Variants in PCNX1 observed in about 807,000 individuals in gnomAD.
PCNX1 encodes pecanex 1, also known as pecanex-like protein 1.
A neutral mutation model predicts 242.2 loss-of-function variants in PCNX1; 78 were observed. That is an observed-to-expected ratio of 0.32 (90% confidence interval 0.27 to 0.39). The LOEUF (loss-of-function observed/expected upper bound fraction) is 0.39. PCNX1 is among the 10% of genes least tolerant of loss of function. The probability of loss-of-function intolerance (pLI) is 1.00; values close to 1 mark genes in which losing one functional copy is unlikely to be tolerated. For missense variants in PCNX1, 2,581 were observed against 2,856.5 expected (o/e 0.90, Z 2.20); for synonymous variants, 1,024 against 1,032.9 (o/e 0.99, Z 0.17).
chr14:70,952,216 A>G (rs1467728810), intron 2 of PCNX1, among the ~76,000 whole-genome samples: 1 of 152,180 alleles, frequency 6.6e-6, no homozygotes, highest in Non-Finnish European at 1.5e-5. Flanking sequence ...TCTGGATATT[A>G]TATATATTTG....
Position 71,050,761 on chromosome 14 carries a change from G to A in PCNX1, c.4447+1G>A, listed in dbSNP as rs1246660126. 3 of 1,611,856 alleles carry A rather than the reference G, an allele frequency of 1.9e-6. No homozygotes were observed. The highest frequency in any genetic ancestry group is 2.2e-5 in the East Asian group (1 of 44,822). The stretch of plus-strand genomic sequence containing the variant: ...TTTGCTCAGCCTTTTGCAGTGCCTC[G>A]TATCCTTCTAATTAAAGTTTTATAA... On this transcript the variant is annotated splice_donor_variant, in intron 23 of 35. Transcript: ENST00000304743. LOFTEE classifies it high-confidence loss of function.
At position 71,057,684 on chromosome 14, in the gene PCNX1, T is replaced by TA; in HGVS notation, c.4812_4813insA (p.Gly1605ArgfsTer11). The TA allele has an allele frequency of 6.2e-7, 1 of 1,613,964 alleles. No individual in the cohort carries two copies. Among genetic ancestry groups the TA allele is most frequent in the Non-Finnish European group, 8.5e-7 (1 of 1,179,848 alleles). On this transcript the variant is annotated frameshift_variant, in exon 26 of 36. Transcript: ENST00000304743. LOFTEE classifies it high-confidence loss of function. The stretch of plus-strand genomic sequence containing the variant: ...TAGTACACCTTATAGAGATAGGCAA[T>TA]GGTCTGGTCACTTTTCAGCTGCGGG...
intron 2 of PCNX1, 107 bp downstream of exon 2, chr14:70,947,230 A>G: frequency 1.2e-6 from 1 of 831,300 alleles, no homozygotes; most frequent in East Asian, 2.7e-5. Flanking sequence ...GTTTTAAGGC[A>G]GTGTTAGATC....
chr14:70,975,112 T>G (rs917094899), intron 5 of PCNX1, among the ~76,000 whole-genome samples: 11 of 152,210 alleles, frequency 7.2e-5, no homozygotes, highest in African/African-American at 2.7e-4. Context: ...ATCTTAGATT[T>G]AGTGATTTTC....
intron 11 of PCNX1, among the ~76,000 whole-genome samples, chr14:71,013,564 T>C (rs1356083372): frequency 6.6e-6 from 1 of 151,968 alleles, no homozygotes; most frequent in East Asian, 1.9e-4. Context: ...TTTCCCTGGT[T>C]CTTAACACTA....
chr14:71,066,548 C>A (rs922285310), intron 26 of PCNX1, among the ~76,000 whole-genome samples: 80 of 152,218 alleles, frequency 5.3e-4, no homozygotes, highest in African/African-American at 1.9e-3. Flanking sequence ...ATCATGTCAT[C>A]TGCAAACAGA....
chr14:70,911,418 ACAT>A (rs1384332629), intron 1 of PCNX1, among the ~76,000 whole-genome samples: 1 of 152,256 alleles, frequency 6.6e-6, no homozygotes, highest in African/African-American at 2.4e-5. Flanking sequence ...GACTCTATAT[ACAT>A]CAACTAGTTA....
intron 29 of PCNX1, among the ~76,000 whole-genome samples, chr14:71,088,913 CAT>C (rs1235560408): frequency 6.6e-6 from 1 of 152,084 alleles, no homozygotes; most frequent in African/African-American, 2.4e-5. Flanking sequence ...GTGATAACTA[CAT>C]GTTTTCCGTT....
At chr14:70,956,992 A>ATAT (rs5809504) in intron 2 of PCNX1, among the ~76,000 whole-genome samples, 90,823 of 149,680 alleles carry the variant, frequency 0.61, 27,818 homozygotes, top group South Asian at 0.7. Flanking sequence ...TGTTTTTATT[A>ATAT]TATTATTATT....
intron 8 of PCNX1, among the ~76,000 whole-genome samples, chr14:71,003,563 TAAG>T (rs2059572285): frequency 6.6e-6 from 1 of 152,344 alleles, no homozygotes; most frequent in African/African-American, 2.4e-5. Context: ...TTTACCCAAG[TAAG>T]AAGAACTTGT....
chr14:71,050,166 T>C (rs200333158), intron 22 of PCNX1, among the ~76,000 whole-genome samples: 2 of 107,358 alleles, frequency 1.9e-5, no homozygotes, highest in African/African-American at 8.1e-5. Context: ...ATTTTTTTTC[T>C]TTTTTTTTAT....
intron 28 of PCNX1, among the ~76,000 whole-genome samples, chr14:71,077,752 A>G (rs2061754416): frequency 6.6e-6 from 1 of 152,186 alleles, no homozygotes; most frequent in Non-Finnish European, 1.5e-5. Flanking sequence ...CATATAATAA[A>G]TAGTTTTATT....
At chr14:70,909,667 G>T (rs959414342) in intron 1 of PCNX1, among the ~76,000 whole-genome samples, 2 of 152,186 alleles carry the variant, frequency 1.3e-5, no homozygotes, top group Non-Finnish European at 2.9e-5. Context: ...GTTACTGAAA[G>T]AATATTAGAG....
intron 9 of PCNX1, among the ~76,000 whole-genome samples, chr14:71,010,075 A>T (rs1024476599): frequency 6.6e-5 from 10 of 152,000 alleles, no homozygotes; most frequent in African/African-American, 2.2e-4. Flanking sequence ...CTTTATATTT[A>T]CTCTAATAAT....
chr14:70,968,315 C>T (rs892195329), intron 4 of PCNX1, 72 bp downstream of exon 4: 14 of 864,856 alleles, frequency 1.6e-5, no homozygotes, highest in Admixed American at 1.4e-4. Context: ...GATAACAGTA[C>T]TGTACATTCA....
chr14:70,996,965 A>G (rs1437346933), intron 8 of PCNX1, among the ~76,000 whole-genome samples: 1 of 152,140 alleles, frequency 6.6e-6, no homozygotes. Context: ...TCATGTTCAG[A>G]TCTCACAGAC....
At chr14:71,086,393 T>C (rs1192302875) in intron 28 of PCNX1, among the ~76,000 whole-genome samples, 2 of 152,364 alleles carry the variant, frequency 1.3e-5, no homozygotes, top group Middle Eastern at 3.4e-3. Flanking sequence ...GATGCCAGTC[T>C]TTATGAATTT....
In PCNX1 at chr14:71,047,051, A is replaced by G. The variant is rs761044717; in HGVS notation, c.4106A>G (p.Asn1369Ser). 34 of 1,611,604 alleles carry G rather than the reference A, an allele frequency of 2.1e-5. No homozygotes were observed. In the East Asian group the frequency reaches 6.9e-4, roughly 33 times the overall value. The change falls in exon 21 of 36, where the codon AAT becomes AGT. Residue 1369 changes from asparagine to serine, a missense_variant. Physicochemically the swap from Asn to Ser is conservative, Grantham distance 46 (BLOSUM62 1). Transcript: ENST00000304743. The part of the protein sequence containing the change: ...KNIIYPLIVL[N>S]ELSSSAETIA... ...ATAATCTATCCATTGATTGTTCTCA[A>G]TGAACTGAGCAGCAGTGCAGAGACA... is the stretch of plus-strand genomic sequence containing the variant.
chr14:70,993,636 A>G (rs2059238583), intron 7 of PCNX1, among the ~76,000 whole-genome samples: 4 of 152,208 alleles, frequency 2.6e-5, no homozygotes, highest in African/African-American at 9.6e-5. Flanking sequence ...AAATGCGTTC[A>G]TGCCAAAATA....
Sources: allele counts gnomAD v4.1 joint callset (sites outside exome capture counted in the v4.1 genomes callset), GRCh38; gene constraint gnomAD v4.1.1; transcripts MANE v1.5; gene names NCBI Gene and HGNC (gene_info 2026-07-23, HGNC 2026-07-21).